The following AMMECR1 variants were observed in gnomAD, a reference collection of about 807,000 sequenced individuals.
AMMECR1 encodes the protein AMMECR nuclear protein 1.
A neutral mutation model predicts 22.5 loss-of-function variants in AMMECR1; 3 were observed. That is an observed-to-expected ratio of 0.13 (90% confidence interval 0.06 to 0.35). AMMECR1 has a LOEUF of 0.35. AMMECR1 is among the 10% of genes least tolerant of loss of function. AMMECR1 has a pLI of 1.00. For missense variants in AMMECR1, 235 were observed against 278.7 expected (o/e 0.84, Z 1.12); for synonymous variants, 130 against 116.7 (o/e 1.11, Z -0.74).
chrX:110,298,313 T>C (rs1247424155), intron 1 of AMMECR1, among the ~76,000 whole-genome samples: 2 of 111,993 alleles, frequency 1.8e-5, no homozygotes, highest in African/African-American at 6.5e-5. Flanking sequence ...TTTTATATCA[T>C]ACAATTGATT....
intron 2 of AMMECR1, among the ~76,000 whole-genome samples, chrX:110,369,913 A>G (rs2068325629): frequency 9.0e-6 from 1 of 111,440 alleles, no homozygotes; most frequent in East Asian, 2.8e-4. Context: ...ATCTCCTGAA[A>G]GTGCATGTTG....
intron 1 of AMMECR1, among the ~76,000 whole-genome samples, chrX:110,314,597 C>A (rs757133743): frequency 8.9e-6 from 1 of 112,065 alleles, no homozygotes; most frequent in South Asian, 3.7e-4. Context: ...TAGCTCAACA[C>A]CTGGCACAGT....
intron 2 of AMMECR1, among the ~76,000 whole-genome samples, chrX:110,261,616 G>C (rs1186144351): frequency 9.0e-6 from 1 of 111,456 alleles, no homozygotes; most frequent in Non-Finnish European, 1.9e-5. Flanking sequence ...ATTAGTTCAA[G>C]TCAATTTTCT....
intron 2 of AMMECR1, among the ~76,000 whole-genome samples, chrX:110,364,398 T>C (rs780400001): frequency 9.0e-6 from 1 of 111,718 alleles, no homozygotes; most frequent in African/African-American, 3.2e-5. Context: ...CAACCCACTA[T>C]GTATAGCCTA....
chrX:110,399,051 A>G (rs1312503218), intron 2 of AMMECR1, among the ~76,000 whole-genome samples: 1 of 112,206 alleles, frequency 8.9e-6, no homozygotes, highest in Non-Finnish European at 1.9e-5. Flanking sequence ...TCTCTGCCTC[A>G]TTAGTGGTAC....
intron 1 of AMMECR1, among the ~76,000 whole-genome samples, chrX:110,274,574 T>C (rs1011086185): frequency 1.8e-5 from 2 of 111,825 alleles, no homozygotes; most frequent in Non-Finnish European, 3.8e-5. Flanking sequence ...CTTATGAATG[T>C]TTGTATATCT....
chrX:110,421,607 C>A (rs888838363), intron 2 of AMMECR1, among the ~76,000 whole-genome samples: 1 of 112,796 alleles, frequency 8.9e-6, no homozygotes, highest in African/African-American at 3.2e-5. Flanking sequence ...TATTTCCACA[C>A]AAGGCAATGA....
rs140856361 is a variant in AMMECR1 at position 110,202,486 on chromosome X, T to C, written c.750A>G (p.Lys250=). ...RIEFINEKGS[K]RTATYLPEVA... ...CCTCCGGTAGGTAGGTGGCGGTGCG[T>C]TTTGATCCTTTTTCATTGATGAATT... Residue 250 remains lysine, a synonymous_variant, in exon 4 of 6, where the codon AAA becomes AAG. Coordinates refer to ENST00000262844, the MANE Select transcript of AMMECR1 (RefSeq NM_015365.3). The C allele has an allele frequency of 3.1e-4, 370 of 1,207,759 alleles. No individual in the cohort carries two copies. In the African/African-American group the frequency reaches 5.5e-3, roughly 18 times the overall value.
chrX:110,199,762 C>A lies in AMMECR1; in HGVS notation c.888-1128G>T, dbSNP rs188947749. Among the ~76,000 whole-genome samples the A allele has an allele frequency of 5.4e-3, 598 of 111,271 alleles. 3 individuals are homozygous for A. Among genetic ancestry groups the A allele is most frequent in the African/African-American group, 0.019 (579 of 30,602 alleles). On this transcript the variant is annotated intron_variant, in intron 5 of 5. Coordinates refer to ENST00000262844, the MANE Select transcript of AMMECR1 (RefSeq NM_015365.3). ...AGGCCCCTGTTGCACCTCTTTTGGA[C>A]TGCTGCCACAGATTCTTAGATAATA...
chrX:110,282,584 C>T (rs775177822), intron 1 of AMMECR1, among the ~76,000 whole-genome samples: 150 of 111,812 alleles, frequency 1.3e-3, no homozygotes, highest in Middle Eastern at 9.3e-3. Flanking sequence ...ACTAGGTAGA[C>T]GCCCAAAATT....
intron 2 of AMMECR1, among the ~76,000 whole-genome samples, chrX:110,236,945 T>C (rs1284013170): frequency 4.5e-5 from 5 of 111,724 alleles, no homozygotes; most frequent in Admixed American, 9.6e-5. Context: ...TAGACTGCTA[T>C]AAATAGATAA....
intron 2 of AMMECR1, among the ~76,000 whole-genome samples, chrX:110,223,275 T>C (rs1280560343): frequency 8.9e-6 from 1 of 112,801 alleles, no homozygotes; most frequent in Non-Finnish European, 1.9e-5. Context: ...TATCTTGTTT[T>C]TAGAAATGAA....
At chrX:110,262,197 G>T (rs770976419) in intron 2 of AMMECR1, among the ~76,000 whole-genome samples, 38 of 112,116 alleles carry the variant, frequency 3.4e-4, no homozygotes, top group Admixed American at 1.8e-3. Flanking sequence ...ATTGTATTTT[G>T]TAAGACTTGT....
intron 2 of AMMECR1, among the ~76,000 whole-genome samples, chrX:110,381,775 T>C (rs1471314170): frequency 9.0e-6 from 1 of 110,845 alleles, no homozygotes; most frequent in Non-Finnish European, 1.9e-5. Flanking sequence ...TATGGGAACA[T>C]GGATGCAGCT....
At chrX:110,259,656 A>G (rs2067728934) in intron 2 of AMMECR1, among the ~76,000 whole-genome samples, 1 of 106,629 alleles carries the variant, frequency 9.4e-6, no homozygotes, top group South Asian at 4.3e-4. Context: ...CAGTGGCGCA[A>G]TCTTGGCTCA....
At chrX:110,398,599 A>G (rs1159057048) in intron 2 of AMMECR1, among the ~76,000 whole-genome samples, 1 of 111,945 alleles carries the variant, frequency 8.9e-6, no homozygotes, top group East Asian at 2.8e-4. Flanking sequence ...TGACTTGCCC[A>G]AGGTCATAGA....
At chrX:110,418,705 G>A (rs754811244) in intron 2 of AMMECR1, among the ~76,000 whole-genome samples, 3 of 111,642 alleles carry the variant, frequency 2.7e-5, no homozygotes, top group Non-Finnish European at 5.6e-5. Context: ...CAGAGACAGC[G>A]CATGGGAGCT....
intron 2 of AMMECR1, among the ~76,000 whole-genome samples, chrX:110,410,954 C>G (rs1160628048): frequency 8.9e-6 from 1 of 112,245 alleles, no homozygotes; most frequent in African/African-American, 3.2e-5. Context: ...TAGGCACTTC[C>G]TATTTTGGTT....
intron 1 of AMMECR1, among the ~76,000 whole-genome samples, chrX:110,283,300 T>A (rs1484956587): frequency 8.9e-6 from 1 of 112,261 alleles, no homozygotes; most frequent in African/African-American, 3.2e-5. Context: ...CATATTCCCC[T>A]TCTCTGGTTC....
Sources: gnomAD v4.1 joint callset for allele counts (sites outside exome capture counted in the v4.1 genomes callset) on GRCh38, gnomAD v4.1.1 for gene constraint, MANE v1.5 for transcripts, NCBI Gene and HGNC (gene_info 2026-07-23, HGNC 2026-07-21) for gene names.